The following TKT variants were observed in gnomAD, a reference collection of about 807,000 sequenced individuals.
TKT encodes the protein transketolase, also known as epididymis luminal protein 107.
In TKT, 47 loss-of-function variants were observed where a neutral mutation model predicts 63.9. The observed-to-expected ratio is 0.74, with a 90% confidence interval of 0.58 to 0.94. The LOEUF is 0.94. Ranked by LOEUF, TKT falls within the 40% of genes least tolerant of loss-of-function variation. The pLI is 0.00. For missense variants in TKT, 721 were observed against 846.2 expected (o/e 0.85, Z 1.84); for synonymous variants, 338 against 334.1 (o/e 1.01, Z -0.13).
At chr3:53,243,488 G>A (rs968088198) in intron 1 of TKT, 9 of 438,208 alleles carry the variant, frequency 2.1e-5, no homozygotes, top group Non-Finnish European at 3.2e-5. Flanking sequence ...GGTGAGTCAC[G>A]CTCAGTGCAG....
chr3:53,241,137 C>A lies in TKT; in HGVS notation c.334G>T (p.Val112Phe). 1 of 1,556,674 alleles carries A rather than the reference C, an allele frequency of 6.4e-7. No individual in the cohort carries two copies. Among genetic ancestry groups the A allele is most frequent in the Non-Finnish European group, 8.6e-7 (1 of 1,159,948 alleles). Residue 112 changes from valine (V) to phenylalanine (F), a missense_variant, in exon 3 of 14, where the codon GTC (valine) becomes TTC (phenylalanine). By Grantham distance (50) the Val-to-Phe change is conservative. Coordinates refer to ENST00000462138, the MANE Select transcript of TKT (RefSeq NM_001064.4). ...KISSDLDGHPVPKQAFTDVAT... is the reference protein window; with the variant it reads ...KISSDLDGHPFPKQAFTDVAT... ...GCTCTGGCAGGAGCACTTACCGGGA[C>A]CGGGTGCCCGTCCAAGTCGGAGCTG...
chr3:53,234,981 A>AC lies in TKT; in HGVS notation c.629+1dup. 6.2e-7 allele frequency: 1 copy of AC among 1,609,942 alleles called. No homozygotes were observed. The highest frequency in any genetic ancestry group is 8.5e-7 in the Non-Finnish European group (1 of 1,177,730). Reference sequence around the variant, plus strand: ...ACACTCAGGCCACAGCCTCGTACATACCCGAAGGCCTCGCACCGCTTCTGG... The same window carrying AC: ...ACACTCAGGCCACAGCCTCGTACATACCCCGAAGGCCTCGCACCGCTTCTGG... On this transcript the variant is annotated splice_donor_variant, in intron 5 of 13. Coordinates refer to ENST00000462138, the MANE Select transcript of TKT (RefSeq NM_001064.4). LOFTEE classifies it high-confidence loss of function.
chr3:53,228,270 A>G lies in TKT; in HGVS notation c.1479+6T>C. The G allele has an allele frequency of 3.7e-6, 6 of 1,614,182 alleles. No homozygotes were observed. The highest frequency in any genetic ancestry group is 5.1e-6 in the Non-Finnish European group (6 of 1,180,018). On this transcript the variant is annotated splice_donor_region_variant and intron_variant, in intron 11 of 13. Transcript: ENST00000462138. ...TGTGGGCTCCTGGGGCATGCGAGGC[A>G]CTGACCTTGGCTTGTCCGACCTGGA... is the stretch of plus-strand genomic sequence containing the variant.
chr3:53,228,946 CT>C (rs1207090309), intron 10 of TKT, 60 bp downstream of exon 10: 2 of 1,602,398 alleles, frequency 1.2e-6, no homozygotes, highest in Non-Finnish European at 1.7e-6. Flanking sequence ...CTGGCCTCCT[CT>C]TCTGTTTCCC....
At position 53,256,020 on chromosome 3, in the gene TKT, G is replaced by T; in HGVS notation, c.-78C>A. Reference sequence around the variant, plus strand: ...GCTCCCGCGGCGACAGGCGGCTGCCGAGGCCGGGCGCGGGGCGGGGGCGCG... The same window carrying T: ...GCTCCCGCGGCGACAGGCGGCTGCCTAGGCCGGGCGCGGGGCGGGGGCGCG... On this transcript the variant is annotated 5_prime_UTR_variant, in exon 1 of 14. Transcript: ENST00000462138. The T allele has an allele frequency of 9.9e-7, 1 of 1,008,014 alleles. No homozygotes were observed. The highest frequency in any genetic ancestry group is 1.3e-6 in the Non-Finnish European group (1 of 754,634). The allele number at this position is 1,008,014 out of a possible 1,614,324, so 62.4% of individuals were successfully genotyped here. A position where few individuals can be genotyped will look rare whatever the true frequency, so the allele number is the denominator to read the frequency against.
intron 13 of TKT, 41 bp downstream of exon 13, chr3:53,226,715 C>T (rs1054464802): frequency 1.2e-6 from 2 of 1,613,700 alleles, no homozygotes; most frequent in Non-Finnish European, 1.7e-6. Flanking sequence ...GGCTCTCTGG[C>T]CCTGTCCCTT....
intron 6 of TKT, chr3:53,231,805 G>A (rs1704774518): frequency 2.0e-6 from 1 of 508,132 alleles, no homozygotes; most frequent in Non-Finnish European, 3.5e-6. Context: ...TGGGAAAGGA[G>A]GGGCCAGACG....
chr3:53,228,283 T>C lies in TKT; in HGVS notation c.1472A>G (p.Gln491Arg). The change falls in exon 11 of 14, where the codon CAA becomes CGA. Residue 491 changes from glutamine (Q) to arginine (R), a missense_variant. Coordinates refer to ENST00000462138, the MANE Select transcript of TKT (RefSeq NM_001064.4). Reference protein sequence around the residue: ...YNNNEDFQVGQAKVVLKSKDD... With the variant: ...YNNNEDFQVGRAKVVLKSKDD... ...GGCATGCGAGGCACTGACCTTGGCT[T>C]GTCCGACCTGGAAGTCCTCATTGTT... 6.2e-7 allele frequency: 1 copy of C among 1,614,202 alleles called. No individual in the cohort carries two copies. Among genetic ancestry groups the C allele is most frequent in the East Asian group, 2.2e-5 (1 of 44,882 alleles).
chr3:53,252,428 G>A (rs1553681755), intron 1 of TKT, among the ~76,000 whole-genome samples: 1 of 152,222 alleles, frequency 6.6e-6, no homozygotes, highest in Admixed American at 6.5e-5. Flanking sequence ...GCATAGCAAC[G>A]TTATTTCCTT....
chr3:53,238,452 C>A (rs1705130879), intron 4 of TKT, among the ~76,000 whole-genome samples: 1 of 152,250 alleles, frequency 6.6e-6, no homozygotes, highest in African/African-American at 2.4e-5. Context: ...CTGGAAGGGA[C>A]TGTGAGGCCT....
At chr3:53,240,768 TG>T (rs1202170638) in intron 3 of TKT, among the ~76,000 whole-genome samples, 1 of 152,220 alleles carries the variant, frequency 6.6e-6, no homozygotes. Context: ...AGGAACAAAC[TG>T]GGTCCCTTCC....
rs148616052 is a variant in TKT, at chr3:53,243,902, G to A, written c.108-1660C>T. On this transcript the variant is annotated intron_variant, in intron 1 of 13. Transcript: ENST00000462138. ...GGTGGACACTGGGCCAAACTGTTCCGGGGAAGAACAAGGACGGTAAGTGCA... is the reference window on the plus strand; with the variant it reads ...GGTGGACACTGGGCCAAACTGTTCCAGGGAAGAACAAGGACGGTAAGTGCA... Among the ~76,000 whole-genome samples the A allele has an allele frequency of 1.0e-3, 157 of 152,304 alleles. 1 individual carries two copies. The highest frequency in any genetic ancestry group is 3.7e-3 in the African/African-American group (154 of 41,564).
At chr3:53,246,329 T>C (rs1045600439) in intron 1 of TKT, among the ~76,000 whole-genome samples, 9 of 152,134 alleles carry the variant, frequency 5.9e-5, no homozygotes, top group Admixed American at 6.6e-5. Context: ...CCCGCATTGT[T>C]TGCAATTGCA....
rs147598587 is a variant in TKT, at chr3:53,232,244, G to A, written c.749-694C>T. ...AGAAGCTGCAAGTGGTCCAGATCCT[G>A]CCCATTTTTAACACCAGAGGGCAGT... On this transcript the variant is annotated intron_variant, in intron 6 of 13. Coordinates refer to ENST00000462138, the MANE Select transcript of TKT (RefSeq NM_001064.4). 189 of 397,950 alleles carry A rather than the reference G, an allele frequency of 4.7e-4. 1 individual carries two copies. The East Asian group carries it at 6.6e-3, about 14-fold the overall frequency. 24.7% of individuals were successfully genotyped at this position (397,950 alleles called of 1,614,324 possible). A position where few individuals can be genotyped will look rare whatever the true frequency, so the allele number is the denominator to read the frequency against.
At chr3:53,253,565 G>C (rs948047203) in intron 1 of TKT, among the ~76,000 whole-genome samples, 103 of 152,336 alleles carry the variant, frequency 6.8e-4, no homozygotes, top group Non-Finnish European at 5.0e-4. Context: ...GAGGTCAAGA[G>C]ACCAGCCTGG....
chr3:53,230,240 C>T (rs1040185104), intron 8 of TKT, among the ~76,000 whole-genome samples: 3 of 152,270 alleles, frequency 2.0e-5, no homozygotes, highest in Non-Finnish European at 4.4e-5. Context: ...TCGGCTCCCC[C>T]ATGTGCACAC....
At chr3:53,228,384 G>C (rs3736153) in intron 10 of TKT, 25 bp from the exon 11 acceptor site, 311,597 of 1,612,490 alleles carry the variant, frequency 0.19, 31,540 homozygotes, top group South Asian at 0.29. Flanking sequence ...GATAAACTGA[G>C]GATACAGGAT....
rs1424244103 is a variant in TKT at position 53,240,729 on chromosome 3, C to T, written c.340-381G>A. Among the ~76,000 whole-genome samples the T allele has an allele frequency of 6.6e-5, 10 of 152,226 alleles. No individual in the cohort carries two copies. The South Asian group carries it at 1.4e-3, about 22-fold the overall frequency. Reference sequence around the variant, plus strand: ...TTTGTGGTAATCCATGAAGTCTTAACGTTTGCAGGGATGCCAGATGGCACC... The same window carrying T: ...TTTGTGGTAATCCATGAAGTCTTAATGTTTGCAGGGATGCCAGATGGCACC... On this transcript the variant is annotated intron_variant, in intron 3 of 13. Transcript: ENST00000462138.
At chr3:53,242,314 C>A in intron 1 of TKT, 72 bp from the exon 2 acceptor site, 2 of 1,459,386 alleles carry the variant, frequency 1.4e-6, no homozygotes, top group Non-Finnish European at 1.9e-6. Flanking sequence ...CTCAGCTGTA[C>A]AGGGACCTGG....
Sources: gnomAD v4.1 joint callset for allele counts (sites outside exome capture counted in the v4.1 genomes callset) on GRCh38, gnomAD v4.1.1 for gene constraint, MANE v1.5 for transcripts, NCBI Gene and HGNC (gene_info 2026-07-23, HGNC 2026-07-21) for gene names.